TNS1: variants seen among roughly 807,000 people sequenced by gnomAD.
TNS1 encodes tensin-1.
A neutral mutation model predicts 168.6 loss-of-function variants in TNS1; 62 were observed. That is an observed-to-expected ratio of 0.37 (90% CI 0.30 to 0.45). TNS1 has a LOEUF of 0.45. Ranked by LOEUF, TNS1 falls within the 20% of genes least tolerant of loss-of-function variation. The probability of loss-of-function intolerance (pLI) is 1.00; values close to 1 mark genes in which losing one functional copy is unlikely to be tolerated. For missense variants in TNS1, 2,240 were observed against 2,339.4 expected, an observed-to-expected ratio of 0.96 and a Z score of 0.88; for synonymous variants, 934 against 933.2, an observed-to-expected ratio of 1.00 and a Z score of -0.02.
chr2:217,867,368 T>C (rs780534836), intron 18 of TNS1, among the ~76,000 whole-genome samples: 1 of 152,228 alleles, frequency 6.6e-6, no homozygotes, highest in African/African-American at 2.4e-5. Flanking sequence ...ATGAAAATGG[T>C]ATATGTGCAA....
intron 29 of TNS1, 116 bp downstream of exon 29, chr2:217,810,132 C>CT (rs1940563642): frequency 2.8e-6 from 4 of 1,441,038 alleles, no homozygotes. Flanking sequence ...GAAATGTGAT[C>CT]TTCCCAGAGA....
chr2:217,940,170 C>A lies in TNS1; in HGVS notation c.187-19934G>T, dbSNP rs763391035. ...GCCATCTGGCCAGGGAGCTATTGAG[C>A]GAGGGGCCATTGGTGGATAGTAAGG... On this transcript the variant is annotated intron_variant, in intron 3 of 32. Transcript: ENST00000682258. Among the ~76,000 whole-genome samples, 47 of 152,154 alleles carry A rather than the reference C, an allele frequency of 3.1e-4. 1 individual carries two copies. The highest frequency in any genetic ancestry group is 5.3e-4 in the Non-Finnish European group (36 of 68,010).
chr2:217,991,139 A>G, intron 1 of TNS1, 83 bp from the exon 2 acceptor site: 1 of 489,070 alleles, frequency 2.0e-6, no homozygotes, highest in African/African-American at 1.9e-5. Context: ...GGGGAGAGGT[A>G]GGCAGGGACA....
At chr2:217,835,863 A>T (rs1574713364) in intron 20 of TNS1, 152 bp downstream of exon 20, 1 of 631,176 alleles carries the variant, frequency 1.6e-6, no homozygotes. Context: ...CCCAGACTCC[A>T]CATGTCAGAG....
intron 18 of TNS1, among the ~76,000 whole-genome samples, chr2:217,851,545 A>G (rs1559238472): frequency 6.6e-6 from 1 of 151,844 alleles, no homozygotes; most frequent in East Asian, 1.9e-4. Flanking sequence ...GTTTTCCCCA[A>G]GGCTTTGGGA....
At chr2:217,857,111 A>C (rs3791961) in intron 18 of TNS1, among the ~76,000 whole-genome samples, 68,426 of 152,024 alleles carry the variant, frequency 0.45, 16,918 homozygotes, top group African/African-American at 0.65. Context: ...CAGCTTCAGA[A>C]TGAAATAAAA....
intron 3 of TNS1, among the ~76,000 whole-genome samples, chr2:217,944,306 C>T (rs1457925927): frequency 2.6e-5 from 4 of 152,196 alleles, no homozygotes; most frequent in African/African-American, 4.8e-5. Context: ...CCTCCTTCAG[C>T]CACTGGCCCA....
At chr2:217,805,493 C>T (rs796535611) in intron 32 of TNS1, among the ~76,000 whole-genome samples, 4 of 13,800 alleles carry the variant, frequency 2.9e-4, no homozygotes, top group Admixed American at 8.2e-4. Context: ...ACCACACACA[C>T]ACCACACACA....
intron 14 of TNS1, 85 bp from the exon 15 acceptor site, chr2:217,885,904 C>T: frequency 1.3e-6 from 2 of 1,553,244 alleles, no homozygotes. Flanking sequence ...GCCCCTACGC[C>T]ACAGGGTTAG....
chr2:217,916,166 G>A lies in TNS1; in HGVS notation c.228+4029C>T, dbSNP rs77574607. Among the ~76,000 whole-genome samples the A allele has an allele frequency of 1.0e-2, 1,519 of 152,282 alleles. 15 individuals carry two copies. The highest frequency in any genetic ancestry group is 0.034 in the African/African-American group (1,429 of 41,554). ...GGCAGATATGAAGTTCCAGTAAAGG[G>A]TTAATCTCTCACTGTTGCTATTACT... On this transcript the variant is annotated intron_variant, in intron 4 of 32. Coordinates refer to ENST00000682258, the MANE Select transcript of TNS1 (RefSeq NM_001387777.1).
At chr2:217,904,567 C>T (rs1953430346) in intron 6 of TNS1, among the ~76,000 whole-genome samples, 1 of 152,174 alleles carries the variant, frequency 6.6e-6, no homozygotes, top group Non-Finnish European at 1.5e-5. Context: ...TCTCTCCTCC[C>T]ATAGCCAGAC....
intron 19 of TNS1, among the ~76,000 whole-genome samples, chr2:217,844,232 C>A (rs939770897): frequency 1.3e-5 from 2 of 152,156 alleles, no homozygotes; most frequent in Admixed American, 6.5e-5. Flanking sequence ...TCCAGCCCCG[C>A]ACCACTTAGG....
At chr2:217,950,183 G>A (rs1957206589) in intron 3 of TNS1, among the ~76,000 whole-genome samples, 1 of 152,150 alleles carries the variant, frequency 6.6e-6, no homozygotes, top group Admixed American at 6.5e-5. Flanking sequence ...ACAAGGAAAG[G>A]TTAAAGAAAC....
chr2:217,908,729 T>G (rs1356518492), intron 4 of TNS1, among the ~76,000 whole-genome samples: 1 of 151,930 alleles, frequency 6.6e-6, no homozygotes, highest in East Asian at 1.9e-4. Flanking sequence ...AAAACTACTC[T>G]CCAGGGGATG....
chr2:217,962,818 G>A (rs747594753), intron 3 of TNS1, among the ~76,000 whole-genome samples: 2 of 152,144 alleles, frequency 1.3e-5, no homozygotes, highest in East Asian at 1.9e-4. Flanking sequence ...CAGGAGACAC[G>A]ATGACCACAT....
chr2:217,911,148 C>G (rs569338910), intron 4 of TNS1, among the ~76,000 whole-genome samples: 157 of 152,320 alleles, frequency 1.0e-3, no homozygotes, highest in Non-Finnish European at 1.9e-3. Context: ...AGCTTAAGGT[C>G]CCCAGGCTTT....
At chr2:218,012,295 G>A (rs570857051), upstream of TNS1, among the ~76,000 whole-genome samples, 2 of 152,316 alleles carry the variant, frequency 1.3e-5, no homozygotes, top group East Asian at 3.9e-4. Flanking sequence ...CTAAAGTGTG[G>A]CCCTGCCTAG....
intron 4 of TNS1, among the ~76,000 whole-genome samples, chr2:217,915,670 G>A (rs746858321): frequency 1.3e-5 from 2 of 152,184 alleles, no homozygotes; most frequent in East Asian, 1.9e-4. Flanking sequence ...CCCATCACCC[G>A]GCAACATCGG....
At chr2:217,855,923 G>A (rs1336213514) in intron 18 of TNS1, among the ~76,000 whole-genome samples, 1 of 152,128 alleles carries the variant, frequency 6.6e-6, no homozygotes, top group Non-Finnish European at 1.5e-5. Context: ...GCATGGTGGA[G>A]GTCCCTGAGC....
Sources: allele counts gnomAD v4.1 joint callset (sites outside exome capture counted in the v4.1 genomes callset), GRCh38; gene constraint gnomAD v4.1.1; transcripts MANE v1.5; gene names NCBI Gene and HGNC (gene_info 2026-07-23, HGNC 2026-07-21).